POU6F2: variants seen among roughly 807,000 people sequenced by gnomAD.
POU6F2 encodes the protein POU domain, class 6, transcription factor 2.
Under a neutral mutation model 71.3 loss-of-function variants are expected in POU6F2, and 31 were observed. The ratio of observed to expected loss-of-function variants is 0.43; its 90% confidence interval spans 0.33 to 0.59. POU6F2 has a LOEUF of 0.59. POU6F2 is among the 20% of genes least tolerant of loss of function. POU6F2 has a pLI of 0.04. For missense variants in POU6F2, 783 were observed against 856.8 expected (o/e 0.91, Z 1.07); for synonymous variants, 347 against 355.7 (o/e 0.98, Z 0.27).
chr7:39,388,271 A>G (rs1365146083), intron 5 of POU6F2, among the ~76,000 whole-genome samples: 2 of 152,140 alleles, frequency 1.3e-5, no homozygotes, highest in African/African-American at 4.8e-5. Flanking sequence ...CCTTGCTTCC[A>G]TTGTTTGAAT....
chr7:39,222,984 G>C (rs1260640458), intron 4 of POU6F2, among the ~76,000 whole-genome samples: 1 of 152,176 alleles, frequency 6.6e-6, no homozygotes, highest in Non-Finnish European at 1.5e-5. Flanking sequence ...TTCCATAGCA[G>C]CTGTGCCATT....
chr7:39,096,410 C>G (rs910539243), intron 2 of POU6F2, among the ~76,000 whole-genome samples: 2 of 152,164 alleles, frequency 1.3e-5, no homozygotes, highest in Non-Finnish European at 2.9e-5. Flanking sequence ...TAATAAGACA[C>G]TTCAAGCACA....
intron 1 of POU6F2, among the ~76,000 whole-genome samples, chr7:38,982,031 C>T (rs897604649): frequency 2.0e-5 from 3 of 152,148 alleles, no homozygotes; most frequent in Admixed American, 2.0e-4. Flanking sequence ...AAAATATGCT[C>T]AAATTGATGT....
intron 4 of POU6F2, among the ~76,000 whole-genome samples, chr7:39,276,779 A>C (rs952835280): frequency 6.6e-6 from 1 of 152,038 alleles, no homozygotes; most frequent in Non-Finnish European, 1.5e-5. Flanking sequence ...GGAAATCATC[A>C]TTCTCAGTAA....
chr7:39,147,920 C>T (rs1311470970), intron 2 of POU6F2, among the ~76,000 whole-genome samples: 1 of 152,214 alleles, frequency 6.6e-6, no homozygotes, highest in Non-Finnish European at 1.5e-5. Flanking sequence ...TGACCATACA[C>T]ACTCATGCAC....
At chr7:39,416,857 G>A (rs1377076500) in intron 6 of POU6F2, among the ~76,000 whole-genome samples, 1 of 151,706 alleles carries the variant, frequency 6.6e-6, no homozygotes, top group African/African-American at 2.4e-5. Context: ...GTAATTAAGG[G>A]GGATACTATA....
intron 4 of POU6F2, among the ~76,000 whole-genome samples, chr7:39,314,023 A>G (rs1408433953): frequency 1.3e-5 from 2 of 152,160 alleles, no homozygotes; most frequent in East Asian, 1.9e-4. Flanking sequence ...CTGTGATGCT[A>G]TGCACACATG....
Position 39,240,929 on chromosome 7 carries a change from C to T in POU6F2, c.598+33309C>T, listed in dbSNP as rs543060391. Among the ~76,000 whole-genome samples the T allele has an allele frequency of 2.0e-5, 3 of 152,190 alleles. No individual in the cohort carries two copies. In the South Asian group the frequency reaches 6.2e-4, roughly 32 times the overall value. On this transcript the variant is annotated intron_variant, in intron 4 of 9. Transcript: ENST00000518318. ...GCATCTTTATTGGCTCATTTATTGG[C>T]ATTTTTATTGGCTCAACAGTGTCAC...
chr7:39,077,244 C>A (rs2128719307), intron 1 of POU6F2, among the ~76,000 whole-genome samples: 1 of 152,274 alleles, frequency 6.6e-6, no homozygotes, highest in Non-Finnish European at 1.5e-5. Context: ...GTTGTCAATA[C>A]CAGTGTCTCC....
intron 2 of POU6F2, among the ~76,000 whole-genome samples, chr7:39,115,169 CAGAGA>C (rs1164022851): frequency 6.6e-6 from 1 of 152,090 alleles, no homozygotes; most frequent in Non-Finnish European, 1.5e-5. Flanking sequence ...ATCATACAGC[CAGAGA>C]AGAGAGCCAG....
chr7:39,451,443 G>T, intron 7 of POU6F2, 90 bp from the exon 8 acceptor site: 1 of 1,285,804 alleles, frequency 7.8e-7, no homozygotes, highest in East Asian at 2.6e-5. Flanking sequence ...GAAATAAAAT[G>T]ATTCACTCCC....
intron 1 of POU6F2, among the ~76,000 whole-genome samples, chr7:39,065,647 GATAAA>G (rs66490470): frequency 0.079 from 11,953 of 151,304 alleles, 570 homozygotes; most frequent in African/African-American, 0.14. Context: ...ATGTTAAAGT[GATAAA>G]ATAATATAAC....
intron 6 of POU6F2, among the ~76,000 whole-genome samples, chr7:39,410,294 G>A (rs1197131120): frequency 6.6e-6 from 1 of 152,198 alleles, no homozygotes; most frequent in East Asian, 1.9e-4. Context: ...GGGTGACAGA[G>A]TGAGACCCTG....
intron 2 of POU6F2, among the ~76,000 whole-genome samples, chr7:39,141,557 TC>T (rs1222451491): frequency 6.6e-6 from 1 of 152,200 alleles, no homozygotes; most frequent in Admixed American, 6.5e-5. Flanking sequence ...TAAACACAGT[TC>T]CACAGAATTT....
At position 39,466,168 on chromosome 7, in the gene POU6F2, C is replaced by G. The variant is rs1562563710; in HGVS notation, c.*1482C>G. On this transcript the variant is annotated 3_prime_UTR_variant, in exon 10 of 10. Coordinates refer to ENST00000518318, the MANE Select transcript of POU6F2 (RefSeq NM_001370959.1). ...AATTTAAACAACTGGAATTGGGGGCCAGGTTCTTCAGGGGAAAGGAAGTTT... is the reference window on the plus strand; with the variant it reads ...AATTTAAACAACTGGAATTGGGGGCGAGGTTCTTCAGGGGAAAGGAAGTTT... 6.6e-6 allele frequency: 1 copy of G among 152,174 alleles called. No individual in the cohort carries two copies. The highest frequency in any genetic ancestry group is 1.9e-4 in the East Asian group (1 of 5,182). The allele number at this position is 152,174 out of a possible 1,614,324, so 9.4% of individuals were successfully genotyped here. A position where few individuals can be genotyped will look rare whatever the true frequency, so the allele number is the denominator to read the frequency against.
intron 5 of POU6F2, among the ~76,000 whole-genome samples, chr7:39,403,261 T>G (rs1787345290): frequency 6.6e-6 from 1 of 152,216 alleles, no homozygotes. Context: ...ATATCAATGC[T>G]TCTCTTAGTG....
chr7:39,109,997 G>A (rs571906221), intron 2 of POU6F2, among the ~76,000 whole-genome samples: 66 of 152,238 alleles, frequency 4.3e-4, no homozygotes, highest in East Asian at 5.8e-4. Flanking sequence ...TTGGCTGGGC[G>A]CGGAGGCTCA....
chr7:39,012,312 A>G (rs370595881), intron 1 of POU6F2, among the ~76,000 whole-genome samples: 5 of 152,044 alleles, frequency 3.3e-5, no homozygotes, highest in African/African-American at 9.6e-5. Flanking sequence ...CCAGTTGATC[A>G]CATCGGCTCC....
rs116807616 is a variant in POU6F2, at chr7:39,228,645, A to G, written c.598+21025A>G. ...TAATCACAGGATGCCGCCGAGGTCA[A>G]TATTCCTTATTGGCTTTCCATCCTG... On this transcript the variant is annotated intron_variant, in intron 4 of 9. Coordinates refer to ENST00000518318, the MANE Select transcript of POU6F2 (RefSeq NM_001370959.1). Among the ~76,000 whole-genome samples, 371 of 152,352 alleles carry G rather than the reference A, an allele frequency of 2.4e-3. 2 individuals are homozygous for G. The highest frequency in any genetic ancestry group is 8.5e-3 in the African/African-American group (353 of 41,576).
Sources: gnomAD v4.1 joint callset for allele counts (sites outside exome capture counted in the v4.1 genomes callset) on GRCh38, gnomAD v4.1.1 for gene constraint, MANE v1.5 for transcripts, NCBI Gene and HGNC (gene_info 2026-07-23, HGNC 2026-07-21) for gene names.